The following CCDC88C variants were observed in gnomAD, a reference collection of about 807,000 sequenced individuals.
CCDC88C encodes the protein coiled-coil and HOOK domain protein 88C.
Under a neutral mutation model 198.8 loss-of-function variants are expected in CCDC88C, and 131 were observed. The observed-to-expected ratio is 0.66, with a 90% CI of 0.57 to 0.76. The LOEUF is 0.76. CCDC88C is among the 30% of genes least tolerant of loss of function. CCDC88C has a pLI of 0.00. For synonymous variants in CCDC88C, 1,166 were observed against 1,114.7 expected (o/e 1.05, Z -0.92); for missense variants, 2,553 against 2,631.6 (o/e 0.97, Z 0.65).
intron 10 of CCDC88C, among the ~76,000 whole-genome samples, chr14:91,334,219 C>T (rs973127765): frequency 6.6e-6 from 1 of 152,134 alleles, no homozygotes; most frequent in Non-Finnish European, 1.5e-5. Flanking sequence ...AAGGTTTTAC[C>T]ACCTGCGGGT....
rs776504122 is a variant in CCDC88C, at chr14:91,338,100, G to T, written c.955C>A (p.Arg319=). 8.7e-6 allele frequency: 14 copies of T among 1,613,772 alleles called. No homozygotes were observed. The highest frequency in any genetic ancestry group is 1.0e-5 in the Non-Finnish European group (12 of 1,179,892). ...RAYRDELDSL[R]EKANRVERLE... is the part of the protein sequence containing the mutation. ...CTCTCCACGCGGTTCGCCTTCTCCCGCAGGGAATCCAGCTCGTCTCGATAG... is the reference window on the plus strand; with the variant it reads ...CTCTCCACGCGGTTCGCCTTCTCCCTCAGGGAATCCAGCTCGTCTCGATAG... Residue 319 remains arginine, a synonymous_variant, in exon 10 of 30, where the codon CGG becomes AGG. Coordinates refer to ENST00000389857, the MANE Select transcript of CCDC88C (RefSeq NM_001080414.4). The surrounding 1 kb of genome is among the most constrained non-coding windows in gnomAD (Gnocchi z 4.8).
Position 91,309,853 on chromosome 14 carries a change from C to T in CCDC88C, c.2864+6G>A, listed in dbSNP as rs760489115. ...CACGATGGGGAGAGGGAGAAGAGGC[C>T]CTCACGTGTCACTGCCGCTGTCGTC... On this transcript the variant is annotated splice_donor_region_variant and intron_variant, in intron 16 of 29. Coordinates refer to ENST00000389857, the MANE Select transcript of CCDC88C (RefSeq NM_001080414.4). The T allele has an allele frequency of 1.2e-6, 2 of 1,607,902 alleles. No individual in the cohort carries two copies. Among genetic ancestry groups the T allele is most frequent in the Middle Eastern group, 1.7e-4 (1 of 6,044 alleles).
chr14:91,313,586 C>T lies in CCDC88C; in HGVS notation c.2230G>A (p.Val744Met), dbSNP rs955631018. The T allele has an allele frequency of 4.3e-6, 7 of 1,612,238 alleles. No individual in the cohort carries two copies. Among genetic ancestry groups the T allele is most frequent in the Non-Finnish European group, 5.1e-6 (6 of 1,179,904 alleles). ...TTGCCCAGCGCCTTGAGCAGATCCACGTTCTTCCTCAGCTCCTCCTTCTCA... is the reference window on the plus strand; with the variant it reads ...TTGCCCAGCGCCTTGAGCAGATCCATGTTCTTCCTCAGCTCCTCCTTCTCA... ...EREKEELRKN[V>M]DLLKALGKKS... is the part of the protein sequence containing the mutation. The change falls in exon 15 of 30, where the codon GTG becomes ATG. Residue 744 changes from valine to methionine, a missense_variant. By Grantham distance (21) the Val-to-Met change is conservative. Transcript: ENST00000389857. This position sits in a 1 kb window ranked among gnomAD's most constrained non-coding sequence, Gnocchi z 5.2.
intron 3 of CCDC88C, among the ~76,000 whole-genome samples, chr14:91,397,692 G>A (rs1885935035): frequency 6.6e-6 from 1 of 152,204 alleles, no homozygotes; most frequent in Admixed American, 6.5e-5. Flanking sequence ...TTTCAGAGGT[G>A]CCTGAAGCAA....
intron 3 of CCDC88C, among the ~76,000 whole-genome samples, chr14:91,402,259 G>A (rs781282064): frequency 1.3e-5 from 2 of 151,820 alleles, no homozygotes; most frequent in East Asian, 1.9e-4. Context: ...CTGGGAAACC[G>A]AGCAAGACTG....
Position 91,291,001 on chromosome 14 carries a change from G to A in CCDC88C, c.4196C>T (p.Pro1399Leu). ...TACACTTAAATCAACTCACTTCTTT[G>A]GAGGAGGATCATAGAACTTGTATTG... ...MDQYKFYDPP[P>L]KKKNHWIGAK... is the part of the protein sequence containing the mutation. The change falls in exon 24 of 30, where the codon CCA (proline) becomes CTA (leucine). Residue 1399 changes from proline to leucine, a missense_variant. Pro to Leu is a moderately conservative substitution (Grantham distance 98). This residue lies in a region of CCDC88C where 1,293 missense variants were observed against 1,219.6 expected (regional missense o/e 1.06). Coordinates refer to ENST00000389857, the MANE Select transcript of CCDC88C (RefSeq NM_001080414.4). 6.4e-7 allele frequency: 1 copy of A among 1,570,974 alleles called. No homozygotes were observed. Among genetic ancestry groups the A allele is most frequent in the Admixed American group, 1.8e-5 (1 of 56,934 alleles).
chr14:91,350,253 C>T (rs138146842), intron 4 of CCDC88C, among the ~76,000 whole-genome samples: 8 of 152,094 alleles, frequency 5.3e-5, no homozygotes, highest in East Asian at 1.9e-4. Context: ...CTCCGCCTCC[C>T]GGGTTCAAGA....
In CCDC88C at chr14:91,315,758, T is replaced by C; in HGVS notation, c.1557A>G (p.Arg519=). 6.2e-6 allele frequency: 10 copies of C among 1,613,448 alleles called. No homozygotes were observed. The highest frequency in any genetic ancestry group is 8.5e-6 in the Non-Finnish European group (10 of 1,179,682). The change falls in exon 14 of 30, where the codon AGA becomes AGG. Residue 519 remains arginine, a synonymous_variant. Coordinates refer to ENST00000389857, the MANE Select transcript of CCDC88C (RefSeq NM_001080414.4). ...CCAGATCTTGGTTGCTCTGCTTTTC[T>C]CTCTCCAGCTGGGTTTGTAACTTTT... ...KIEKLQTQLE[R]EKQSNQDLET... is the part of the protein sequence containing the mutation.
chr14:91,321,004 C>G, intron 13 of CCDC88C, 116 bp downstream of exon 13: 1 of 971,794 alleles, frequency 1.0e-6, no homozygotes, highest in Non-Finnish European at 1.5e-6. Context: ...CACTGCCTGA[C>G]ACCTGCATGC....
At chr14:91,378,328 C>A (rs1024451552) in intron 3 of CCDC88C, among the ~76,000 whole-genome samples, 1 of 152,206 alleles carries the variant, frequency 6.6e-6, no homozygotes, top group African/African-American at 2.4e-5. Flanking sequence ...CCCCCTCCCC[C>A]AGTGAACGCC....
intron 4 of CCDC88C, among the ~76,000 whole-genome samples, chr14:91,357,813 C>T (rs186796949): frequency 3.9e-5 from 6 of 152,336 alleles, no homozygotes; most frequent in East Asian, 3.9e-4. Flanking sequence ...CTGCATCTGG[C>T]GTCCCCGCCC....
chr14:91,315,998 C>T (rs111800698), intron 13 of CCDC88C: 23 of 540,708 alleles, frequency 4.3e-5, no homozygotes, highest in East Asian at 3.9e-4. Flanking sequence ...CACCATCCCC[C>T]CAGCGTCCCT....
At chr14:91,315,831 C>A (rs369977738) in intron 13 of CCDC88C, 44 bp from the exon 14 acceptor site, 2 of 1,589,518 alleles carry the variant, frequency 1.3e-6, no homozygotes, top group Admixed American at 3.6e-5. Flanking sequence ...ATCAGTCCTA[C>A]GAAGTGAACC....
At chr14:91,362,882 T>C (rs1013603522) in intron 3 of CCDC88C, among the ~76,000 whole-genome samples, 3 of 151,780 alleles carry the variant, frequency 2.0e-5, no homozygotes, top group African/African-American at 4.8e-5. Context: ...TGAGCCGAGA[T>C]TGGGCCACTG....
intron 15 of CCDC88C, 69 bp from the exon 16 acceptor site, chr14:91,310,055 C>G: frequency 6.9e-7 from 1 of 1,458,272 alleles, no homozygotes; most frequent in Non-Finnish European, 9.2e-7. Flanking sequence ...GGCGCCAGTC[C>G]CGCCCGGGTG....
intron 3 of CCDC88C, among the ~76,000 whole-genome samples, chr14:91,399,665 C>A (rs935655229): frequency 1.3e-5 from 2 of 151,928 alleles, no homozygotes; most frequent in South Asian, 2.1e-4. Flanking sequence ...CGGTGAAACC[C>A]CGTCTCTACT....
At chr14:91,283,819 T>C (rs1173953842) in intron 25 of CCDC88C, among the ~76,000 whole-genome samples, 2 of 152,188 alleles carry the variant, frequency 1.3e-5, no homozygotes, top group African/African-American at 4.8e-5. Context: ...GGATAAACTG[T>C]TGGTAAAAGT....
chr14:91,375,231 A>G (rs1164460828), intron 3 of CCDC88C, among the ~76,000 whole-genome samples: 6 of 152,162 alleles, frequency 3.9e-5, no homozygotes, highest in Admixed American at 3.9e-4. Context: ...GAAGGGCCAC[A>G]GGCCCCAGGG....
intron 13 of CCDC88C, among the ~76,000 whole-genome samples, chr14:91,319,159 T>TAC (rs2139816820): frequency 6.6e-6 from 1 of 152,308 alleles, no homozygotes; most frequent in East Asian, 1.9e-4. Context: ...GAGCCCACAG[T>TAC]ACACCAGTGC....
Sources: allele counts gnomAD v4.1 joint callset (sites outside exome capture counted in the v4.1 genomes callset), GRCh38; gene constraint gnomAD v4.1.1; regional missense constraint gnomAD v4.1.1; non-coding constraint Gnocchi (gnomAD v3.1); transcripts MANE v1.5; gene names NCBI Gene and HGNC (gene_info 2026-07-23, HGNC 2026-07-21).